PDZD2: variants seen among roughly 807,000 people sequenced by gnomAD.
The protein encoded by PDZD2 is PDZ domain-containing protein 2.
PDZD2 carries 90 observed loss-of-function variants against 220.7 expected under a neutral mutation model. That is an observed-to-expected ratio of 0.41 (90% CI 0.34 to 0.49). The LOEUF is 0.49. PDZD2 is among the 20% of genes least tolerant of loss of function. The probability of loss-of-function intolerance (pLI) is 0.28; values close to 1 mark genes in which losing one functional copy is unlikely to be tolerated. For missense variants in PDZD2, 3,174 were observed against 3,608.5 expected, an observed-to-expected ratio of 0.88 and a Z score of 3.08; for synonymous variants, 1,375 against 1,450.5, an observed-to-expected ratio of 0.95 and a Z score of 1.18.
chr5:31,837,251 C>T (rs1359097298), intron 2 of PDZD2, among the ~76,000 whole-genome samples: 1 of 152,108 alleles, frequency 6.6e-6, no homozygotes, highest in Admixed American at 6.6e-5. Flanking sequence ...TAGTCTCATA[C>T]ACACACTTTG....
At chr5:31,976,734 T>C (rs1259555335) in intron 2 of PDZD2, among the ~76,000 whole-genome samples, 1 of 102,206 alleles carries the variant, frequency 9.8e-6, no homozygotes, top group African/African-American at 3.9e-5. Flanking sequence ...TTTTTTTTTT[T>C]TGTGACAGAG....
In PDZD2 at chr5:31,983,228, C is replaced by T; in HGVS notation, c.550C>T (p.His184Tyr). ...GCTGCGTCGCTTTAAGCACAAAGCC[C>T]ACTCCACTTATAATGGCAACAGTAG... Reference protein sequence around the residue: ...IMLRRFKHKAHSTYNGNSSNS... With the variant: ...IMLRRFKHKAYSTYNGNSSNS... The change falls in exon 3 of 25, where the codon CAC becomes TAC. Residue 184 changes from histidine to tyrosine, a missense_variant. Around this residue, in one of 4 missense-constraint regions of PDZD2, gnomAD observed 632 missense variants for 708.1 expected, o/e 0.89. Coordinates refer to ENST00000438447, the MANE Select transcript of PDZD2 (RefSeq NM_178140.4). 6.2e-7 allele frequency: 1 copy of T among 1,614,138 alleles called. No homozygotes were observed. Among genetic ancestry groups the T allele is most frequent in the Non-Finnish European group, 8.5e-7 (1 of 1,180,008 alleles).
intron 1 of PDZD2, among the ~76,000 whole-genome samples, chr5:31,691,513 T>G (rs1224372134): frequency 6.6e-6 from 1 of 150,510 alleles, no homozygotes; most frequent in Non-Finnish European, 1.5e-5. Context: ...CGCCACCTGC[T>G]TTTATTCTCT....
intron 1 of PDZD2, among the ~76,000 whole-genome samples, chr5:31,796,902 CG>C (rs997231732): frequency 8.2e-5 from 12 of 145,500 alleles, no homozygotes; most frequent in African/African-American, 2.5e-4. Context: ...AAGATATTTA[CG>C]GGGTTTTTTT....
intron 3 of PDZD2, among the ~76,000 whole-genome samples, chr5:31,988,832 C>T (rs781257552): frequency 2.6e-5 from 4 of 152,182 alleles, no homozygotes; most frequent in Non-Finnish European, 2.9e-5. Context: ...TCTCCCACGT[C>T]GCTTAGCTTC....
At chr5:31,878,987 G>C (rs1333117284) in intron 2 of PDZD2, among the ~76,000 whole-genome samples, 1 of 152,162 alleles carries the variant, frequency 6.6e-6, no homozygotes, top group Non-Finnish European at 1.5e-5. Flanking sequence ...CATGTAGGTG[G>C]ATCAGCAGTT....
At chr5:31,868,047 G>C (rs1052476938) in intron 2 of PDZD2, among the ~76,000 whole-genome samples, 6 of 152,194 alleles carry the variant, frequency 3.9e-5, no homozygotes, top group African/African-American at 7.2e-5. Context: ...CTGAGGCTCA[G>C]AAGGGCCTTG....
chr5:31,799,428 T>C lies in PDZD2; in HGVS notation c.180T>C (p.Asp60=), dbSNP rs1239105977. ...TGGATGAGAGTACGGTCCCACCTGA[T>C]CACAGCCCCCCCGAAATGGAGATCT... ...FAVDESTVPP[D]HSPPEMEICT... is the part of the protein sequence containing the mutation. Residue 60 remains aspartate (D), a synonymous_variant, in exon 2 of 25, where the codon GAT becomes GAC. Transcript: ENST00000438447. The C allele has an allele frequency of 1.3e-5, 21 of 1,614,000 alleles. No individual in the cohort carries two copies. Among genetic ancestry groups the C allele is most frequent in the Admixed American group, 1.7e-5 (1 of 59,992 alleles).
chr5:31,706,441 C>T (rs1026307716), intron 1 of PDZD2, among the ~76,000 whole-genome samples: 2 of 151,870 alleles, frequency 1.3e-5, no homozygotes, highest in Admixed American at 1.3e-4. Flanking sequence ...GCAGGGGAGG[C>T]GGAGAAGCAC....
At chr5:31,832,815 CA>C (rs1320263507) in intron 2 of PDZD2, among the ~76,000 whole-genome samples, 7 of 151,532 alleles carry the variant, frequency 4.6e-5, no homozygotes, top group Non-Finnish European at 8.8e-5. Context: ...GACTCTGTCT[CA>C]AAAAAAATTA....
At chr5:31,944,119 G>C (rs997443801) in intron 2 of PDZD2, among the ~76,000 whole-genome samples, 2 of 152,076 alleles carry the variant, frequency 1.3e-5, no homozygotes, top group African/African-American at 4.8e-5. Flanking sequence ...TAAACATTTA[G>C]GGTATTGTTT....
intron 1 of PDZD2, among the ~76,000 whole-genome samples, chr5:31,737,379 A>G (rs965852979): frequency 5.3e-5 from 8 of 151,842 alleles, no homozygotes; most frequent in East Asian, 3.9e-4. Flanking sequence ...TCACCGTGTT[A>G]GCCAGGATGG....
At chr5:32,040,622 G>A (rs1395202365) in intron 7 of PDZD2, among the ~76,000 whole-genome samples, 2 of 148,068 alleles carry the variant, frequency 1.4e-5, no homozygotes, top group African/African-American at 5.0e-5. Context: ...CCTCTGCCCG[G>A]CCGCCCCGTC....
intron 15 of PDZD2, 134 bp downstream of exon 15, chr5:32,069,784 T>C (rs1740586527): frequency 1.6e-6 from 1 of 613,498 alleles, no homozygotes; most frequent in African/African-American, 1.9e-5. Flanking sequence ...TCAAAGACAG[T>C]CTATGCTTTC....
At chr5:31,908,357 C>T (rs1331295860) in intron 2 of PDZD2, 2 of 297,430 alleles carry the variant, frequency 6.7e-6, no homozygotes, top group African/African-American at 4.4e-5. Flanking sequence ...CATCGGCCGC[C>T]ATCATGATTA....
At chr5:31,995,828 G>A (rs72759654) in intron 4 of PDZD2, 110 bp downstream of exon 4, 18,986 of 996,664 alleles carry the variant, frequency 0.019, 239 homozygotes, top group Non-Finnish European at 0.021. Flanking sequence ...GGCGATTATA[G>A]TTCATAAAGA....
At chr5:31,833,672 C>G (rs1298285478) in intron 2 of PDZD2, among the ~76,000 whole-genome samples, 2 of 131,144 alleles carry the variant, frequency 1.5e-5, no homozygotes, top group African/African-American at 5.7e-5. Flanking sequence ...AAAAAAGAAA[C>G]AAACAAAGGT....
chr5:31,840,263 A>AAAACAAAAC (rs1757183157), intron 2 of PDZD2, among the ~76,000 whole-genome samples: 2 of 122,870 alleles, frequency 1.6e-5, no homozygotes, highest in Admixed American at 8.4e-5. Context: ...CAAAACAAAA[A>AAAACAAAAC]AACCACCTCA....
chr5:31,865,083 G>A (rs1376938269), intron 2 of PDZD2, among the ~76,000 whole-genome samples: 1 of 151,406 alleles, frequency 6.6e-6, no homozygotes, highest in African/African-American at 2.4e-5. Flanking sequence ...TCCTGACCTC[G>A]TGATCCGCCC....
Sources: allele counts gnomAD v4.1 joint callset (sites outside exome capture counted in the v4.1 genomes callset), GRCh38; gene constraint gnomAD v4.1.1; regional missense constraint gnomAD v4.1.1; transcripts MANE v1.5; gene names NCBI Gene and HGNC (gene_info 2026-07-23, HGNC 2026-07-21).